Variants in HORMAD2 observed in about 807,000 individuals in gnomAD.
The protein encoded by HORMAD2 is HORMA domain-containing protein 2.
In HORMAD2, 45 loss-of-function variants were observed where a neutral mutation model predicts 38.8. The ratio of observed to expected loss-of-function variants is 1.16; its 90% CI spans 0.91 to 1.49. The LOEUF is 1.49. HORMAD2 is among the 40% of genes most tolerant of loss of function. The pLI is 0.00. For missense variants in HORMAD2, 338 were observed against 367.0 expected, an observed-to-expected ratio of 0.92 and a Z score of 0.65; for synonymous variants, 126 against 122.8, an observed-to-expected ratio of 1.03 and a Z score of -0.17.
At chr22:30,180,056 T>G (rs946518353), downstream of HORMAD2, among the ~76,000 whole-genome samples, 3 of 151,950 alleles carry the variant, frequency 2.0e-5, no homozygotes, top group East Asian at 5.8e-4. Flanking sequence ...GCCCAGATAA[T>G]TTTTGTATTT....
intron 10 of HORMAD2, among the ~76,000 whole-genome samples, chr22:30,140,437 T>C (rs527555604): frequency 2.0e-4 from 31 of 152,300 alleles, no homozygotes; most frequent in African/African-American, 7.0e-4. Flanking sequence ...TGTGGATAGT[T>C]TTAAAAATTG....
chr22:30,086,355 T>C (rs574305895), intron 1 of HORMAD2, among the ~76,000 whole-genome samples: 2 of 152,218 alleles, frequency 1.3e-5, no homozygotes, highest in African/African-American at 2.4e-5. Flanking sequence ...ATACACCATA[T>C]CTATGAGATG....
At chr22:30,193,810 G>C in the HORMAD2 span, among the ~76,000 whole-genome samples, 2 of 152,160 alleles carry the variant, frequency 1.3e-5, no homozygotes, top group Non-Finnish European at 2.9e-5. Context: ...CATGGCCATG[G>C]GACTGAGTTT....
downstream of HORMAD2, among the ~76,000 whole-genome samples, chr22:30,181,693 T>G (rs1056879045): frequency 2.0e-5 from 3 of 152,364 alleles, no homozygotes; most frequent in South Asian, 6.2e-4. Flanking sequence ...ACACATTCTG[T>G]GTTGTTCCAA....
At chr22:30,112,616 C>G (rs1921748649) in intron 7 of HORMAD2, 94 bp downstream of exon 7, 1 of 504,884 alleles carries the variant, frequency 2.0e-6, no homozygotes. Flanking sequence ...TGTTACTAGA[C>G]TACCATATGA....
intron 10 of HORMAD2, among the ~76,000 whole-genome samples, chr22:30,160,073 C>T (rs1401963713): frequency 2.6e-5 from 4 of 152,040 alleles, no homozygotes; most frequent in African/African-American, 7.2e-5. Flanking sequence ...TTAGCCCTGA[C>T]TTCATCCTAC....
chr22:30,167,353 A>G (rs1031180652), intron 10 of HORMAD2, among the ~76,000 whole-genome samples: 1 of 152,218 alleles, frequency 6.6e-6, no homozygotes, highest in Non-Finnish European at 1.5e-5. Flanking sequence ...TCACATTCAC[A>G]GGCTGCAGAA....
At chr22:30,152,250 T>A (rs1254247617) in intron 10 of HORMAD2, among the ~76,000 whole-genome samples, 1 of 152,126 alleles carries the variant, frequency 6.6e-6, no homozygotes, top group Non-Finnish European at 1.5e-5. Context: ...CAGGCTGGAG[T>A]GCAGTGGTAC....
chr22:30,089,570 C>T (rs1291514579), intron 1 of HORMAD2, among the ~76,000 whole-genome samples: 2 of 152,088 alleles, frequency 1.3e-5, no homozygotes, highest in Non-Finnish European at 2.9e-5. Flanking sequence ...CCAGGATGGT[C>T]TTGATCTCCT....
rs891068260 is a variant in HORMAD2 at position 30,176,339 on chromosome 22, A to G, written c.*172A>G. On this transcript the variant is annotated 3_prime_UTR_variant, in exon 11 of 11. Coordinates refer to ENST00000336726, the MANE Select transcript of HORMAD2 (RefSeq NM_152510.4). ...TAAATTACTGGCCAGGTAGGACGCG[A>G]GTCCACTTTGCCATAAGGAAAGCGG... 5.3e-6 allele frequency: 3 copies of G among 563,954 alleles called. No individual in the cohort carries two copies. The highest frequency in any genetic ancestry group is 3.2e-5 in the Admixed American group (1 of 31,728). 34.9% of individuals were successfully genotyped at this position (563,954 alleles called of 1,614,324 possible). A position where few individuals can be genotyped will look rare whatever the true frequency, so the allele number is the denominator to read the frequency against.
intron 10 of HORMAD2, among the ~76,000 whole-genome samples, chr22:30,129,710 A>G (rs967561542): frequency 6.6e-6 from 1 of 152,002 alleles, no homozygotes; most frequent in African/African-American, 2.4e-5. Context: ...CACTCTCACT[A>G]CATTGCCCAG....
Position 30,111,806 on chromosome 22 carries a change from C to T in HORMAD2, c.305C>T (p.Ala102Val). The change falls in exon 6 of 11, where the codon GCA becomes GTA. Residue 102 changes from alanine to valine, a missense_variant. Transcript: ENST00000336726. ...TTCTTTCTCTTGAAGCTACGTATGG[C>T]AGTACTGACAGTAAGTACACACTCA... ...DALEKRYLRMAVLTLYTDPMG... is the reference protein window; with the variant it reads ...DALEKRYLRMVVLTLYTDPMG... 6.4e-7 allele frequency: 1 copy of T among 1,567,876 alleles called. No individual in the cohort carries two copies. Among genetic ancestry groups the T allele is most frequent in the South Asian group, 1.2e-5 (1 of 84,310 alleles).
rs370590549 is a variant in HORMAD2, at chr22:30,088,116, TAC to T, written c.-37-5793_-37-5792del. ...ACACACACGTACACACGTGTACATA[TAC>T]ACACACGTACACATGTGTACATATA... On this transcript the variant is annotated intron_variant, in intron 1 of 10. Coordinates refer to ENST00000336726, the MANE Select transcript of HORMAD2 (RefSeq NM_152510.4). Among the ~76,000 whole-genome samples the T allele has an allele frequency of 6.7e-4, 100 of 150,230 alleles. 1 individual carries two copies. The South Asian group carries it at 0.016, about 23-fold the overall frequency.
At chr22:30,132,549 A>AAG (rs1555948910) in intron 10 of HORMAD2, among the ~76,000 whole-genome samples, 1 of 151,912 alleles carries the variant, frequency 6.6e-6, no homozygotes, top group Non-Finnish European at 1.5e-5. Context: ...CAAAAAAAAA[A>AAG]AAACAAAACC....
intron 10 of HORMAD2, among the ~76,000 whole-genome samples, chr22:30,172,073 G>C (rs1449477458): frequency 6.6e-6 from 1 of 152,174 alleles, no homozygotes; most frequent in Non-Finnish European, 1.5e-5. Context: ...GCATTTTTCT[G>C]AGGAGAGAGT....
intron 10 of HORMAD2, among the ~76,000 whole-genome samples, chr22:30,154,312 A>T (rs1924936786): frequency 6.6e-6 from 1 of 152,224 alleles, no homozygotes; most frequent in Non-Finnish European, 1.5e-5. Context: ...ATTTTTGTAT[A>T]AGTTTATTTT....
At chr22:30,082,251 A>G (rs2068494773) in intron 1 of HORMAD2, among the ~76,000 whole-genome samples, 1 of 152,204 alleles carries the variant, frequency 6.6e-6, no homozygotes, top group Non-Finnish European at 1.5e-5. Context: ...CACCTGATAG[A>G]AAAGGGATTT....
intron 10 of HORMAD2, among the ~76,000 whole-genome samples, chr22:30,130,412 A>T (rs1923189685): frequency 6.6e-6 from 1 of 152,108 alleles, no homozygotes; most frequent in Admixed American, 6.5e-5. Flanking sequence ...CTTAAATTAT[A>T]AGAACTCTAA....
At chr22:30,193,829 G>T in the HORMAD2 span, among the ~76,000 whole-genome samples, 1 of 152,170 alleles carries the variant, frequency 6.6e-6, no homozygotes, top group African/African-American at 2.4e-5. Flanking sequence ...TTTCATGAGT[G>T]GAATGCTAAC....
Sources: allele counts gnomAD v4.1 joint callset (sites outside exome capture counted in the v4.1 genomes callset), GRCh38; gene constraint gnomAD v4.1.1; transcripts MANE v1.5; gene names NCBI Gene and HGNC (gene_info 2026-07-23, HGNC 2026-07-21).